The following ZNF320 variants were observed in gnomAD, a reference collection of about 807,000 sequenced individuals.
The protein encoded by ZNF320 is zinc finger gene 320.
Under a neutral mutation model 6.8 loss-of-function variants are expected in ZNF320, and 2 were observed. The observed-to-expected ratio is 0.29, with a 90% CI of 0.12 to 0.93. The LOEUF is 0.93. Among genes scored for constraint, ZNF320 ranks in the 40% least tolerant of loss-of-function variants. The pLI is 0.55. For missense variants in ZNF320, 472 were observed against 611.0 expected, an observed-to-expected ratio of 0.77 and a Z score of 2.40; for synonymous variants, 208 against 203.2, an observed-to-expected ratio of 1.02 and a Z score of -0.20.
downstream of ZNF320, among the ~76,000 whole-genome samples, chr19:52,874,765 A>G (rs1325569053): frequency 2.0e-5 from 3 of 152,178 alleles, no homozygotes; most frequent in African/African-American, 7.2e-5. Flanking sequence ...GTGGGTGATC[A>G]CAAAAGTTTC....
At chr19:52,899,616 C>T (rs547783610), upstream of ZNF320, among the ~76,000 whole-genome samples, 7 of 152,100 alleles carry the variant, frequency 4.6e-5, no homozygotes, top group Non-Finnish European at 1.0e-4. Flanking sequence ...GTGCTGCCAC[C>T]GCACCCGGCT....
rs150588718 is a variant in ZNF320, at chr19:52,881,176, G to C, written c.950C>G (p.Ala317Gly). 3 of 1,613,936 alleles carry C rather than the reference G, an allele frequency of 1.9e-6. No homozygotes were observed. The highest frequency in any genetic ancestry group is 1.3e-5 in the African/African-American group (1 of 74,876). The change falls in exon 6 of 6, where the codon GCA (alanine) becomes GGA (glycine). Residue 317 changes from alanine (A) to glycine (G), a missense_variant. Physicochemically the swap from Ala to Gly is moderately conservative, Grantham distance 60. Coordinates refer to ENST00000682928, the MANE Select transcript of ZNF320 (RefSeq NM_001351774.2). The part of the protein sequence containing the change: ...GKVFKQRATL[A>G]GHRRVHTGEK... ...TCCAGTGTGAACTCTACGATGTCCT[G>C]CAAGAGTTGCTCGTTGCTTAAAAAC...
chr19:52,868,101 T>C (rs923811609), intron 5 of ZNF320, among the ~76,000 whole-genome samples: 5 of 152,162 alleles, frequency 3.3e-5, no homozygotes, highest in African/African-American at 9.7e-5. Flanking sequence ...AAGGAGCATG[T>C]CATCATCAAC....
intron 5 of ZNF320, among the ~76,000 whole-genome samples, chr19:52,887,626 G>C (rs11665695): frequency 0.26 from 39,062 of 152,080 alleles, 5,384 homozygotes; most frequent in South Asian, 0.32. Context: ...TTGCTCTGTC[G>C]TCTGGGCTGG....
At chr19:52,897,374 G>C (rs2147910336) in intron 1 of ZNF320, 146 bp downstream of exon 1, 1 of 152,356 alleles carries the variant, frequency 6.6e-6, no homozygotes, top group Non-Finnish European at 1.5e-5. Context: ...ACTTGAAACA[G>C]CGCGAGGCGG....
At chr19:52,872,663 G>A (rs550192005), downstream of ZNF320, among the ~76,000 whole-genome samples, 23 of 152,144 alleles carry the variant, frequency 1.5e-4, no homozygotes, top group African/African-American at 4.6e-4. Flanking sequence ...CACCGGGCCC[G>A]GCTAATTTTT....
intron 5 of ZNF320, among the ~76,000 whole-genome samples, chr19:52,869,046 G>A (rs2063631719): frequency 6.6e-6 from 1 of 152,092 alleles, no homozygotes. Flanking sequence ...AGGAAAGGAA[G>A]GGCAAGGGTG....
intron 5 of ZNF320, among the ~76,000 whole-genome samples, chr19:52,868,233 G>A (rs908912243): frequency 1.6e-4 from 24 of 152,204 alleles, no homozygotes; most frequent in African/African-American, 5.3e-4. Context: ...GCATCCAGGC[G>A]CAGTGGCTCA....
At chr19:52,893,346 T>C (rs1243461883) in intron 2 of ZNF320, 6 of 152,126 alleles carry the variant, frequency 3.9e-5, no homozygotes, top group African/African-American at 1.4e-4. Context: ...AAATGCTGTG[T>C]TTTCTACGTA....
downstream of ZNF320, among the ~76,000 whole-genome samples, chr19:52,872,754 G>T (rs1022176519): frequency 6.6e-6 from 1 of 152,054 alleles, no homozygotes; most frequent in Non-Finnish European, 1.5e-5. Context: ...GCCTGCCTCG[G>T]CCTCCCAAAT....
At chr19:52,874,582 C>T (rs1052860678), downstream of ZNF320, among the ~76,000 whole-genome samples, 6 of 152,202 alleles carry the variant, frequency 3.9e-5, no homozygotes, top group Non-Finnish European at 8.8e-5. Context: ...GGTTGAGCTC[C>T]ACTCAGTGGG....
intron 5 of ZNF320, among the ~76,000 whole-genome samples, chr19:52,865,030 T>A (rs542911615): frequency 4.0e-5 from 6 of 149,022 alleles, no homozygotes; most frequent in Admixed American, 6.7e-5. Flanking sequence ...AAAAATAAAA[T>A]TTTTAAAAAG....
intron 5 of ZNF320, among the ~76,000 whole-genome samples, chr19:52,865,900 TATG>T (rs1184839300): frequency 2.6e-5 from 2 of 76,434 alleles, no homozygotes; most frequent in Admixed American, 1.3e-4. Flanking sequence ...TATTTATATA[TATG>T]ATTATACACA....
chr19:52,883,528 T>G (rs2063986013), intron 5 of ZNF320: 2 of 434,404 alleles, frequency 4.6e-6, no homozygotes, highest in East Asian at 7.5e-5. Context: ...GTACACAACA[T>G]AAGAACTGAA....
At position 52,881,537 on chromosome 19, in the gene ZNF320, C is replaced by T. The variant is rs747989211; in HGVS notation, c.589G>A (p.Ala197Thr). Residue 197 changes from alanine to threonine, a missense_variant, in exon 6 of 6, where the codon GCT (alanine) becomes ACT (threonine). Physicochemically the swap from Ala to Thr is moderately conservative, Grantham distance 58. Transcript: ENST00000682928. The stretch of plus-strand genomic sequence containing the variant: ...GCCAGGTGTGAATCATGCTTAAAAG[C>T]CTTGTCGCAAACCTTACATTTGTAT... ...KPYKCKVCDKAFKHDSHLAKH... is the reference protein window; with the variant it reads ...KPYKCKVCDKTFKHDSHLAKH... The T allele has an allele frequency of 1.2e-6, 2 of 1,613,974 alleles. No individual in the cohort carries two copies. Among genetic ancestry groups the T allele is most frequent in the Non-Finnish European group, 1.7e-6 (2 of 1,179,996 alleles).
downstream of ZNF320, among the ~76,000 whole-genome samples, chr19:52,872,162 G>A (rs1292211057): frequency 6.6e-6 from 1 of 152,140 alleles, no homozygotes; most frequent in Non-Finnish European, 1.5e-5. Flanking sequence ...TCCAGAAAGG[G>A]CCCCAAAGTG....
chr19:52,865,614 C>A (rs1369254185), intron 5 of ZNF320, among the ~76,000 whole-genome samples: 1 of 117,676 alleles, frequency 8.5e-6, no homozygotes, highest in Non-Finnish European at 1.7e-5. Context: ...TGAGATTATA[C>A]ATATATATTT....
At chr19:52,898,625 C>T (rs1372214658), upstream of ZNF320, among the ~76,000 whole-genome samples, 4 of 152,192 alleles carry the variant, frequency 2.6e-5, no homozygotes, top group South Asian at 4.1e-4. Context: ...CCTTGAAATC[C>T]GAGCTCCCTG....
chr19:52,869,692 G>A (rs961334245), intron 5 of ZNF320, among the ~76,000 whole-genome samples: 6 of 151,124 alleles, frequency 4.0e-5, no homozygotes, highest in Non-Finnish European at 8.8e-5. Flanking sequence ...GCCTGCCACC[G>A]GGCCTGGCTA....
Sources: allele counts gnomAD v4.1 joint callset (sites outside exome capture counted in the v4.1 genomes callset), GRCh38; gene constraint gnomAD v4.1.1; transcripts MANE v1.5; gene names NCBI Gene and HGNC (gene_info 2026-07-23, HGNC 2026-07-21).